Variants in PLCB1 observed in about 807,000 individuals in gnomAD.
The protein encoded by PLCB1 is phospholipase C beta 1.
Under a neutral mutation model 161.8 loss-of-function variants are expected in PLCB1, and 46 were observed. The observed-to-expected ratio is 0.28, with a 90% CI of 0.22 to 0.36. The LOEUF (loss-of-function observed/expected upper bound fraction) is 0.36. Ranked by LOEUF, PLCB1 falls within the 10% of genes least tolerant of loss-of-function variation. The pLI, the probability that PLCB1 is intolerant of heterozygous loss-of-function variation, is 1.00. For missense variants in PLCB1, 1,016 were observed against 1,472.5 expected (o/e 0.69, Z 5.07); for synonymous variants, 517 against 503.7 (o/e 1.03, Z -0.35).
intron 3 of PLCB1, among the ~76,000 whole-genome samples, chr20:8,572,789 G>A (rs1243409967): frequency 6.6e-6 from 1 of 152,192 alleles, no homozygotes. Flanking sequence ...GTCCTTCTGA[G>A]TACTGGGCCC....
Position 8,276,986 on chromosome 20 carries a change from C to CTTCTTCTTCTTATTA in PLCB1, c.178-94394_178-94393insCTTCTTCTTATTATT, listed in dbSNP as rs869194352. Among the ~76,000 whole-genome samples, 92 of 93,336 alleles carry CTTCTTCTTCTTATTA rather than the reference C, an allele frequency of 9.9e-4. 1 individual carries two copies. The highest frequency in any genetic ancestry group is 3.5e-3 in the East Asian group (10 of 2,884). The allele number at this position is 93,336 out of a possible 152,430, so 61.2% of individuals were successfully genotyped here. Reference sequence around the variant, plus strand: ...TCTTCTTCTTCTTCTTCTTCTTCTTCTTATTATTATTATTATTATTATTAT... The same window carrying CTTCTTCTTCTTATTA: ...TCTTCTTCTTCTTCTTCTTCTTCTTCTTCTTCTTCTTATTATTATTATTATTATTATTATTATTAT... On this transcript the variant is annotated intron_variant, in intron 2 of 31. Coordinates refer to ENST00000338037, the MANE Select transcript of PLCB1 (RefSeq NM_015192.4).
intron 7 of PLCB1, chr20:8,651,346 T>A: frequency 2.9e-6 from 2 of 678,460 alleles, no homozygotes; most frequent in Non-Finnish European, 5.5e-6. Flanking sequence ...GCAAAGTTCA[T>A]TAACAACTTT....
rs145581916 is a variant in PLCB1, at chr20:8,457,714, GCACACACA to G, written c.246+86290_246+86297del. 9.9e-3 allele frequency among the ~76,000 whole-genome samples: 1,448 copies of G among 145,796 alleles called. 29 individuals carry two copies. The highest frequency in any genetic ancestry group is 0.029 in the African/African-American group (1,149 of 39,262). ...CTACTTATACCCCTAATGTGTGCGC[GCACACACA>G]CACACACACACACACACACACACAC... On this transcript the variant is annotated intron_variant, in intron 3 of 31. Coordinates refer to ENST00000338037, the MANE Select transcript of PLCB1 (RefSeq NM_015192.4).
intron 31 of PLCB1, among the ~76,000 whole-genome samples, chr20:8,801,333 T>C (rs1304975763): frequency 6.6e-6 from 1 of 152,122 alleles, no homozygotes; most frequent in Non-Finnish European, 1.5e-5. Context: ...CCTCCACCAC[T>C]CTCCCATCCC....
chr20:8,317,626 A>T (rs1050962567), intron 2 of PLCB1, among the ~76,000 whole-genome samples: 4 of 151,988 alleles, frequency 2.6e-5, no homozygotes, highest in Non-Finnish European at 5.9e-5. Flanking sequence ...AGGCATTCTT[A>T]TGCCCCAGTT....
At chr20:8,196,634 A>G (rs1294207451) in intron 2 of PLCB1, among the ~76,000 whole-genome samples, 1 of 150,242 alleles carries the variant, frequency 6.7e-6, no homozygotes, top group Admixed American at 6.6e-5. Context: ...AACAGCCTCA[A>G]ACAAGCTCCT....
intron 31 of PLCB1, chr20:8,831,448 G>C (rs943502771): frequency 6.6e-6 from 1 of 152,078 alleles, no homozygotes; most frequent in Admixed American, 6.5e-5. Context: ...AGAAAAATTT[G>C]CTTTAATTTA....
intron 5 of PLCB1, 86 bp from the exon 6 acceptor site, chr20:8,647,814 T>C: frequency 9.9e-7 from 1 of 1,009,990 alleles, no homozygotes; most frequent in South Asian, 1.3e-5. Flanking sequence ...TACAAAGGCA[T>C]GGGCTTTTTT....
intron 26 of PLCB1, among the ~76,000 whole-genome samples, chr20:8,766,196 A>T (rs543037230): frequency 6.6e-6 from 1 of 152,262 alleles, no homozygotes; most frequent in South Asian, 2.1e-4. Context: ...TGACCTACCC[A>T]ATCATCTCAA....
At chr20:8,430,297 G>A (rs915534720) in intron 3 of PLCB1, among the ~76,000 whole-genome samples, 2 of 152,042 alleles carry the variant, frequency 1.3e-5, no homozygotes, top group Non-Finnish European at 2.9e-5. Context: ...AGGGGACAGG[G>A]AGAGGCCTCA....
At chr20:8,729,332 G>T (rs991933493) in intron 18 of PLCB1, 158 bp downstream of exon 18, 14 of 489,824 alleles carry the variant, frequency 2.9e-5, no homozygotes, top group Non-Finnish European at 4.7e-5. Context: ...TAAAAAAAGT[G>T]AATTTTGAAA....
At chr20:8,213,705 G>A (rs1473443757) in intron 2 of PLCB1, among the ~76,000 whole-genome samples, 1 of 151,918 alleles carries the variant, frequency 6.6e-6, no homozygotes, top group Admixed American at 6.6e-5. Context: ...GTGTGTGTGT[G>A]TGTCTTCATA....
chr20:8,881,770 G>T lies in PLCB1; in HGVS notation c.3572G>T (p.Gly1191Val). Residue 1191 changes from glycine (G) to valine (V), a missense_variant, in exon 32 of 32, where the codon GGA (glycine) becomes GTA (valine). Gly to Val is a moderately radical substitution (Grantham distance 109, BLOSUM62 -3). Transcript: ENST00000338037. The stretch of plus-strand genomic sequence containing the variant: ...CCTCTCTCCCTGTCCTCAGACCCTG[G>T]AAAAGTGAACCACAAGACTCCCTCC... ...SAPLSLSSDP[G>V]KVNHKTPSSE... 2 of 1,614,092 alleles carry T rather than the reference G, an allele frequency of 1.2e-6. No homozygotes were observed. The highest frequency in any genetic ancestry group is 1.7e-6 in the Non-Finnish European group (2 of 1,179,986).
At chr20:8,268,942 T>A (rs973005028) in intron 2 of PLCB1, among the ~76,000 whole-genome samples, 1 of 152,178 alleles carries the variant, frequency 6.6e-6, no homozygotes, top group African/African-American at 2.4e-5. Flanking sequence ...AGGCCCTATT[T>A]CAAAATATTC....
intron 31 of PLCB1, among the ~76,000 whole-genome samples, chr20:8,814,176 G>T (rs1246020146): frequency 6.6e-6 from 1 of 152,152 alleles, no homozygotes; most frequent in Non-Finnish European, 1.5e-5. Flanking sequence ...ATTAGCAAAA[G>T]TAAATGTGAA....
intron 3 of PLCB1, among the ~76,000 whole-genome samples, chr20:8,404,728 T>A (rs907301548): frequency 6.6e-6 from 1 of 152,234 alleles, no homozygotes; most frequent in Non-Finnish European, 1.5e-5. Context: ...TACTAGTATT[T>A]ACTAGTAGTA....
chr20:8,329,476 A>G (rs546514871), intron 2 of PLCB1, among the ~76,000 whole-genome samples: 70 of 151,984 alleles, frequency 4.6e-4, no homozygotes, highest in Non-Finnish European at 8.1e-4. Flanking sequence ...TATCCACCAC[A>G]TCTACAGCTG....
intron 2 of PLCB1, among the ~76,000 whole-genome samples, chr20:8,202,993 G>A (rs996265391): frequency 1.3e-5 from 2 of 152,030 alleles, no homozygotes; most frequent in African/African-American, 4.8e-5. Context: ...TTTAGTGAAT[G>A]GGAAATATTA....
chr20:8,204,386 G>A (rs192851854), intron 2 of PLCB1, among the ~76,000 whole-genome samples: 2 of 152,236 alleles, frequency 1.3e-5, no homozygotes, highest in African/African-American at 4.8e-5. Context: ...GAAGGAGACA[G>A]AATTGTTTAC....
Sources: allele counts gnomAD v4.1 joint callset (sites outside exome capture counted in the v4.1 genomes callset), GRCh38; gene constraint gnomAD v4.1.1; transcripts MANE v1.5; gene names NCBI Gene and HGNC (gene_info 2026-07-23, HGNC 2026-07-21).